TERF2IP: variants seen among roughly 807,000 people sequenced by gnomAD.
The protein encoded by TERF2IP is telomeric repeat-binding factor 2-interacting protein 1.
In TERF2IP, 35 loss-of-function variants were observed where a neutral mutation model predicts 33.3. The observed-to-expected ratio is 1.05, with a 90% CI of 0.80 to 1.39. TERF2IP has a LOEUF of 1.39. Ranked by LOEUF, TERF2IP falls within the 40% of genes most tolerant of loss-of-function variation. The probability of loss-of-function intolerance (pLI) is 0.00; values close to 1 mark genes in which losing one functional copy is unlikely to be tolerated. For missense variants in TERF2IP, 583 were observed against 524.8 expected, an observed-to-expected ratio of 1.11 and a Z score of -1.08; for synonymous variants, 253 against 223.2, an observed-to-expected ratio of 1.13 and a Z score of -1.19.
At position 75,656,709 on chromosome 16, in the gene TERF2IP, G is replaced by A; in HGVS notation, c.*98G>A. Reference sequence around the variant, plus strand: ...TTAGAGAGTTCTTGCATTGGAACTGGCACTTATTTTCTGACCATCGCTGCT... The same window carrying A: ...TTAGAGAGTTCTTGCATTGGAACTGACACTTATTTTCTGACCATCGCTGCT... On this transcript the variant is annotated 3_prime_UTR_variant, in exon 3 of 3. Transcript: ENST00000300086. The A allele has an allele frequency of 8.4e-7, 1 of 1,195,166 alleles. No individual in the cohort carries two copies. Among genetic ancestry groups the A allele is most frequent in the Non-Finnish European group, 1.2e-6 (1 of 855,210 alleles). 74.0% of individuals were successfully genotyped at this position (1,195,166 alleles called of 1,614,324 possible).
Position 75,647,945 on chromosome 16 carries a change from C to T in TERF2IP, c.63C>T (p.Phe21=). 1 of 1,613,606 alleles carries T rather than the reference C, an allele frequency of 6.2e-7. No homozygotes were observed. Among genetic ancestry groups the T allele is most frequent in the South Asian group, 1.1e-5 (1 of 91,068 alleles). Reference sequence around the variant, plus strand: ...GGCCCACCCATTCCTCGACTCTGTTCGTGAGGGACGACGGCAGCTCCATGT... The same window carrying T: ...GGCCCACCCATTCCTCGACTCTGTTTGTGAGGGACGACGGCAGCTCCATGT... ...PNGPTHSSTL[F]VRDDGSSMSF... is the part of the protein sequence containing the mutation. The change falls in exon 1 of 3, where the codon TTC becomes TTT. Residue 21 remains phenylalanine (F), a synonymous_variant. Coordinates refer to ENST00000300086, the MANE Select transcript of TERF2IP (RefSeq NM_018975.4).
At chr16:75,654,148 T>TG in intron 1 of TERF2IP, 125 bp from the exon 2 acceptor site, 2 of 289,728 alleles carry the variant, frequency 6.9e-6, no homozygotes, top group Non-Finnish European at 1.0e-5. Flanking sequence ...CTTCTGATAG[T>TG]AAAAAAAAAA....
chr16:75,649,578 C>T (rs752023353), intron 1 of TERF2IP, among the ~76,000 whole-genome samples: 2 of 152,030 alleles, frequency 1.3e-5, no homozygotes, highest in African/African-American at 4.8e-5. Context: ...CCTTCCTGTC[C>T]ACCAGCTACC....
Position 75,656,497 on chromosome 16 carries a change from G to C in TERF2IP, c.1086G>C (p.Trp362Cys). The C allele has an allele frequency of 6.2e-7, 1 of 1,614,130 alleles. No individual in the cohort carries two copies. Among genetic ancestry groups the C allele is most frequent in the Non-Finnish European group, 8.5e-7 (1 of 1,180,040 alleles). Residue 362 changes from tryptophan to cysteine, a missense_variant, in exon 3 of 3, where the codon TGG (tryptophan) becomes TGC (cysteine). Physicochemically the swap from Trp to Cys is radical, Grantham distance 215 (BLOSUM62 -2). Coordinates refer to ENST00000300086, the MANE Select transcript of TERF2IP (RefSeq NM_018975.4). ...AGAGAGCTGATGGATATCCCATTTG[G>C]TCCCGACAAGATGACATAGATTTGC... ...SGQRADGYPI[W>C]SRQDDIDLQK...
rs1193304839 is a variant in TERF2IP at position 75,654,310 on chromosome 16, A to G, written c.708A>G (p.Glu236=). The change falls in exon 2 of 3, where the codon GAA becomes GAG. Residue 236 remains glutamate, a synonymous_variant. Transcript: ENST00000300086. ...QNKRTPDLPE[E]EYVKEEIQEN... is the part of the protein sequence containing the mutation. ...AGAGAACTCCAGATTTGCCTGAAGAAGAGTATGTGAAGGAAGAAATCCAGG... is the reference window on the plus strand; with the variant it reads ...AGAGAACTCCAGATTTGCCTGAAGAGGAGTATGTGAAGGAAGAAATCCAGG... 1.2e-6 allele frequency: 2 copies of G among 1,613,986 alleles called. No individual in the cohort carries two copies. Among genetic ancestry groups the G allele is most frequent in the Non-Finnish European group, 8.5e-7 (1 of 1,179,894 alleles).
rs779983053 is a variant in TERF2IP at position 75,656,803 on chromosome 16, T to A, written c.*192T>A. ...AGAGGGGGATAAAAAGAAAAGAAAT[T>A]GGATGTATTTACAGCTGTCCTTGAA... On this transcript the variant is annotated 3_prime_UTR_variant, in exon 3 of 3. Coordinates refer to ENST00000300086, the MANE Select transcript of TERF2IP (RefSeq NM_018975.4). The A allele has an allele frequency of 1.7e-6, 1 of 589,810 alleles. No individual in the cohort carries two copies. Among genetic ancestry groups the A allele is most frequent in the Non-Finnish European group, 3.0e-6 (1 of 337,002 alleles). The allele number at this position is 589,810 out of a possible 1,614,324, so 36.5% of individuals were successfully genotyped here.
chr16:75,648,743 T>G (rs1361448602), intron 1 of TERF2IP, 191 bp downstream of exon 1: 2 of 1,412,628 alleles, frequency 1.4e-6, no homozygotes, highest in East Asian at 5.1e-5. Context: ...GTTCTTTTTT[T>G]GCGATGGGTC....
In TERF2IP at chr16:75,647,915, C is replaced by T. The variant is rs773806652; in HGVS notation, c.33C>T (p.Pro11=). The stretch of plus-strand genomic sequence containing the variant: ...AGGCGATGGATTTGGGCAAAGACCC[C>T]AACGGGCCCACCCATTCCTCGACTC... MAEAMDLGKD[P]NGPTHSSTLF... is the part of the protein sequence containing the mutation. The change falls in exon 1 of 3, where the codon CCC becomes CCT. Residue 11 remains proline (P), a synonymous_variant. Coordinates refer to ENST00000300086, the MANE Select transcript of TERF2IP (RefSeq NM_018975.4). 86 of 1,609,634 alleles carry T rather than the reference C, an allele frequency of 5.3e-5. No homozygotes were observed. Among genetic ancestry groups the T allele is most frequent in the African/African-American group, 6.7e-5 (5 of 74,816 alleles).
Position 75,656,600 on chromosome 16 carries a change from C to G in TERF2IP, c.1189C>G (p.Arg397Gly). 6.3e-7 allele frequency: 1 copy of G among 1,587,812 alleles called. No individual in the cohort carries two copies. The highest frequency in any genetic ancestry group is 8.6e-7 in the Non-Finnish European group (1 of 1,166,660). ...AQNVARRIEF[R>G]KK is the part of the protein sequence containing the mutation. ...GAATGTAGCTCGGAGGATTGAATTT[C>G]GAAAGAAATAATTGGCAAGATAATG... Residue 397 changes from arginine to glycine, a missense_variant, in exon 3 of 3, where the codon CGA (arginine) becomes GGA (glycine). Arg to Gly is a moderately radical substitution (Grantham distance 125). Transcript: ENST00000300086.
At position 75,656,529 on chromosome 16, in the gene TERF2IP, A is replaced by G. The variant is rs1326644600; in HGVS notation, c.1118A>G (p.Asp373Gly). 4 of 1,614,098 alleles carry G rather than the reference A, an allele frequency of 2.5e-6. No homozygotes were observed. Among genetic ancestry groups the G allele is most frequent in the Non-Finnish European group, 3.4e-6 (4 of 1,180,032 alleles). ...CAAGATGACATAGATTTGCAAAAAGATGATGAGGATACCAGAGAGGCATTG... is the reference window on the plus strand; with the variant it reads ...CAAGATGACATAGATTTGCAAAAAGGTGATGAGGATACCAGAGAGGCATTG... ...SRQDDIDLQK[D>G]DEDTREALVK... The change falls in exon 3 of 3, where the codon GAT becomes GGT. Residue 373 changes from aspartate (D) to glycine (G), a missense_variant. Physicochemically the swap from Asp to Gly is moderately conservative, Grantham distance 94. Coordinates refer to ENST00000300086, the MANE Select transcript of TERF2IP (RefSeq NM_018975.4).
chr16:75,657,058 A>C lies in TERF2IP; in HGVS notation c.*447A>C, dbSNP rs1303982518. 4 of 155,048 alleles carry C rather than the reference A, an allele frequency of 2.6e-5. No individual in the cohort carries two copies. The highest frequency in any genetic ancestry group is 4.3e-5 in the Non-Finnish European group (3 of 70,128). The allele number at this position is 155,048 out of a possible 1,614,324, so 9.6% of individuals were successfully genotyped here. On this transcript the variant is annotated 3_prime_UTR_variant, in exon 3 of 3. Transcript: ENST00000300086. ...AGAATCTAGAAATAGGAGAAGATTT[A>C]ATTATGAGGCCTTGAACACGGATTA...
Position 75,647,942 on chromosome 16 carries a change from G to T in TERF2IP, c.60G>T (p.Leu20=). 2 of 1,613,604 alleles carry T rather than the reference G, an allele frequency of 1.2e-6. No individual in the cohort carries two copies. The highest frequency in any genetic ancestry group is 1.3e-5 in the African/African-American group (1 of 75,060). The stretch of plus-strand genomic sequence containing the variant: ...ACGGGCCCACCCATTCCTCGACTCT[G>T]TTCGTGAGGGACGACGGCAGCTCCA... The part of the protein sequence containing the change: ...DPNGPTHSST[L]FVRDDGSSMS... The change falls in exon 1 of 3, where the codon CTG becomes CTT. Residue 20 remains leucine (L), a synonymous_variant. Transcript: ENST00000300086.
Position 75,656,681 on chromosome 16 carries a change from A to C in TERF2IP, c.*70A>C. Reference sequence around the variant, plus strand: ...GGTTAAAAAAAATTGTGACCAATGAACTTTAGAGAGTTCTTGCATTGGAAC... The same window carrying C: ...GGTTAAAAAAAATTGTGACCAATGACCTTTAGAGAGTTCTTGCATTGGAAC... On this transcript the variant is annotated 3_prime_UTR_variant, in exon 3 of 3. Coordinates refer to ENST00000300086, the MANE Select transcript of TERF2IP (RefSeq NM_018975.4). 7.0e-7 allele frequency: 1 copy of C among 1,428,240 alleles called. No homozygotes were observed. Among genetic ancestry groups the C allele is most frequent in the Non-Finnish European group, 9.5e-7 (1 of 1,054,924 alleles). 88.5% of individuals were successfully genotyped at this position (1,428,240 alleles called of 1,614,324 possible).
Position 75,648,172 on chromosome 16 carries a change from A to G in TERF2IP, c.290A>G (p.Glu97Gly). 6.4e-7 allele frequency: 1 copy of G among 1,564,718 alleles called. No homozygotes were observed. The highest frequency in any genetic ancestry group is 8.6e-7 in the Non-Finnish European group (1 of 1,157,506). The change falls in exon 1 of 3, where the codon GAG (glutamate) becomes GGG (glycine). Residue 97 changes from glutamate (E) to glycine (G), a missense_variant. Transcript: ENST00000300086. The stretch of plus-strand genomic sequence containing the variant: ...GAGCGCAACGAGAGGCTGGAGCTGG[A>G]GGCCTATCGGCTGGGCCCCGCCTCG... ...CVERNERLEL[E>G]AYRLGPASAA... is the part of the protein sequence containing the mutation.
rs2082387428 is a variant in TERF2IP at position 75,656,475 on chromosome 16, G to C, written c.1064G>C (p.Arg355Thr). The C allele has an allele frequency of 6.2e-7, 1 of 1,614,194 alleles. No individual in the cohort carries two copies. Among genetic ancestry groups the C allele is most frequent in the African/African-American group, 1.3e-5 (1 of 75,050 alleles). The change falls in exon 3 of 3, where the codon AGA (arginine) becomes ACA (threonine). Residue 355 changes from arginine to threonine, a missense_variant. Physicochemically the swap from Arg to Thr is moderately conservative, Grantham distance 71. Coordinates refer to ENST00000300086, the MANE Select transcript of TERF2IP (RefSeq NM_018975.4). The stretch of plus-strand genomic sequence containing the variant: ...TCCGCCTTCTTAGCGTCTGGTCAGA[G>C]AGCTGATGGATATCCCATTTGGTCC... ...ATSAFLASGQRADGYPIWSRQ... is the reference protein window; with the variant it reads ...ATSAFLASGQTADGYPIWSRQ...
rs1303120787 is a variant in TERF2IP at position 75,648,211 on chromosome 16, G to C, written c.329G>C (p.Gly110Ala). 1 of 1,547,366 alleles carries C rather than the reference G, an allele frequency of 6.5e-7. No homozygotes were observed. Among genetic ancestry groups the C allele is most frequent in the East Asian group, 2.4e-5 (1 of 42,342 alleles). Residue 110 changes from glycine to alanine, a missense_variant, in exon 1 of 3, where the codon GGC (glycine) becomes GCC (alanine). By Grantham distance (60) the Gly-to-Ala change is moderately conservative. Coordinates refer to ENST00000300086, the MANE Select transcript of TERF2IP (RefSeq NM_018975.4). ...RLGPASAADT[G>A]SEAKPGALAE... ...GGCCCCGCCTCGGCGGCGGACACCG[G>C]CTCGGAAGCAAAGCCCGGGGCCCTG...
Position 75,648,302 on chromosome 16 carries a change from C to T in TERF2IP, c.420C>T (p.Asp140=). 6 of 1,555,492 alleles carry T rather than the reference C, an allele frequency of 3.9e-6. No individual in the cohort carries two copies. The highest frequency in any genetic ancestry group is 5.2e-6 in the Non-Finnish European group (6 of 1,149,294). The change falls in exon 1 of 3, where the codon GAC becomes GAT. Residue 140 remains aspartate, a synonymous_variant. Coordinates refer to ENST00000300086, the MANE Select transcript of TERF2IP (RefSeq NM_018975.4). The part of the protein sequence containing the change: ...HAGRIAFTDA[D]DVAILTYVKE... ...GGCGGATCGCCTTCACGGATGCGGA[C>T]GACGTAGCCATCCTTACCTACGTGA...
chr16:75,656,580 T>C lies in TERF2IP; in HGVS notation c.1169T>C (p.Val390Ala). The change falls in exon 3 of 3, where the codon GTA (valine) becomes GCA (alanine). Residue 390 changes from valine to alanine, a missense_variant. Coordinates refer to ENST00000300086, the MANE Select transcript of TERF2IP (RefSeq NM_018975.4). ...ALVKKFGAQN[V>A]ARRIEFRKK ...GTCAAAAAATTTGGTGCTCAGAATG[T>C]AGCTCGGAGGATTGAATTTCGAAAG... The C allele has an allele frequency of 6.2e-7, 1 of 1,606,418 alleles. No homozygotes were observed. The highest frequency in any genetic ancestry group is 1.7e-5 in the Admixed American group (1 of 59,328).
At chr16:75,654,100 C>A (rs912288499) in intron 1 of TERF2IP, among the ~76,000 whole-genome samples, 173 bp from the exon 2 acceptor site, 1 of 147,576 alleles carries the variant, frequency 6.8e-6, no homozygotes, top group African/African-American at 2.6e-5. Context: ...TGAGCACGTC[C>A]TAGGCTTTTT....
Sources: allele counts gnomAD v4.1 joint callset (sites outside exome capture counted in the v4.1 genomes callset), GRCh38; gene constraint gnomAD v4.1.1; transcripts MANE v1.5; gene names NCBI Gene and HGNC (gene_info 2026-07-23, HGNC 2026-07-21).